The following LAMC3 variants were observed in gnomAD, a reference collection of about 807,000 sequenced individuals.
LAMC3 encodes laminin subunit gamma-3.
In LAMC3, 128 loss-of-function variants were observed where a neutral mutation model predicts 173.8. The ratio of observed to expected loss-of-function variants is 0.74; its 90% CI spans 0.64 to 0.85. LAMC3 has a LOEUF of 0.85. Among genes scored for constraint, LAMC3 ranks in the 40% least tolerant of loss-of-function variants. LAMC3 has a pLI of 0.00. For synonymous variants in LAMC3, 897 were observed against 909.1 expected (o/e 0.99, Z 0.24); for missense variants, 2,022 against 2,156.0 (o/e 0.94, Z 1.23).
chr9:131,014,457 G>T (rs1166888055), intron 1 of LAMC3, among the ~76,000 whole-genome samples: 1 of 152,240 alleles, frequency 6.6e-6, no homozygotes, highest in Non-Finnish European at 1.5e-5. Context: ...CTAAGGTTGG[G>T]CAGAAGGCCT....
chr9:131,045,551 G>GCC lies in LAMC3; in HGVS notation c.1413_1414dup (p.His472ProfsTer62). The GCC allele has an allele frequency of 6.2e-7, 1 of 1,613,968 alleles. No individual in the cohort carries two copies. The highest frequency in any genetic ancestry group is 8.5e-7 in the Non-Finnish European group (1 of 1,180,036). The stretch of plus-strand genomic sequence containing the variant: ...GTCGCCCGGGGACCTTTAACCTGCA[G>GCC]CCCCACAATCCAGCTGGCTGCAGCA... On this transcript the variant is annotated frameshift_variant, in exon 8 of 28. Transcript: ENST00000361069. LOFTEE classifies it high-confidence loss of function.
chr9:131,071,610 C>T lies in LAMC3; in HGVS notation c.3196C>T (p.His1066Tyr). 6.3e-7 allele frequency: 1 copy of T among 1,590,902 alleles called. No homozygotes were observed. Among genetic ancestry groups the T allele is most frequent in the Admixed American group, 1.7e-5 (1 of 58,818 alleles). ...CCCAAGGGGGGACGTCTACCAGGGC[C>T]ATCACCTGCTTCCAGGTACAGCAGG... ...EAPRGDVYQG[H>Y]HLLPGAREAF... Residue 1066 changes from histidine to tyrosine, a missense_variant, in exon 18 of 28, where the codon CAT becomes TAT. Transcript: ENST00000361069.
At position 131,050,486 on chromosome 9, in the gene LAMC3, G is replaced by A. The variant is rs552882297; in HGVS notation, c.1630+1356G>A. On this transcript the variant is annotated intron_variant, in intron 9 of 27. Coordinates refer to ENST00000361069, the MANE Select transcript of LAMC3 (RefSeq NM_006059.4). Reference sequence around the variant, plus strand: ...CTGAGGGAAGATAAGTATTTAGGCCGAGCGCAATGGCTCACACCTGTAATC... The same window carrying A: ...CTGAGGGAAGATAAGTATTTAGGCCAAGCGCAATGGCTCACACCTGTAATC... Among the ~76,000 whole-genome samples the A allele has an allele frequency of 9.9e-5, 15 of 152,276 alleles. No homozygotes were observed. In the East Asian group the frequency reaches 1.4e-3, roughly 14 times the overall value.
Position 131,092,000 on chromosome 9 carries a change from G to T in LAMC3, c.*213G>T. 1 of 618,274 alleles carries T rather than the reference G, an allele frequency of 1.6e-6. No homozygotes were observed. Among genetic ancestry groups the T allele is most frequent in the Non-Finnish European group, 2.9e-6 (1 of 350,214 alleles). The allele number at this position is 618,274 out of a possible 1,614,324, so 38.3% of individuals were successfully genotyped here. On this transcript the variant is annotated 3_prime_UTR_variant, in exon 28 of 28. Transcript: ENST00000361069. ...GTGCGTACCCAGTTCACCTGGACAT[G>T]AGTGCACACTCTCACCCCTGCACAT...
intron 27 of LAMC3, among the ~76,000 whole-genome samples, chr9:131,091,030 A>T (rs1282803284): frequency 6.6e-6 from 1 of 152,178 alleles, no homozygotes; most frequent in Admixed American, 6.5e-5. Flanking sequence ...CAATAAATAA[A>T]TAAATGCATC....
At position 131,091,532 on chromosome 9, in the gene LAMC3, C is replaced by G. The variant is rs1310000476; in HGVS notation, c.4478-5C>G. ...CACAGTGAGGCTGTTTGTGCCCCAC[C>G]ACAGGGTCGCTGGACACCCATCAAG... On this transcript the variant is annotated splice_region_variant and splice_polypyrimidine_tract_variant and intron_variant, in intron 27 of 27. Coordinates refer to ENST00000361069, the MANE Select transcript of LAMC3 (RefSeq NM_006059.4). 14 of 1,575,906 alleles carry G rather than the reference C, an allele frequency of 8.9e-6. No homozygotes were observed. Among genetic ancestry groups the G allele is most frequent in the Non-Finnish European group, 1.1e-5 (13 of 1,161,668 alleles).
rs140634175 is a variant in LAMC3, at chr9:131,029,901, G to C, written c.679-2144G>C. 5.5e-4 allele frequency among the ~76,000 whole-genome samples: 83 copies of C among 151,976 alleles called. No individual in the cohort carries two copies. The highest frequency in any genetic ancestry group is 9.4e-4 in the Non-Finnish European group (64 of 68,012). On this transcript the variant is annotated intron_variant, in intron 2 of 27. Coordinates refer to ENST00000361069, the MANE Select transcript of LAMC3 (RefSeq NM_006059.4). The surrounding 1 kb of genome is among the most constrained non-coding windows in gnomAD (Gnocchi z 4.6). ...CAGCACCCACTCATAGCTTAAGCTG[G>C]AGTTCCAGTGCCTGGGTTCAGTGGG...
intron 27 of LAMC3, among the ~76,000 whole-genome samples, chr9:131,090,895 G>A (rs1830413279): frequency 1.3e-5 from 2 of 152,212 alleles, no homozygotes; most frequent in African/African-American, 4.8e-5. Context: ...GGAGCATGGT[G>A]GCAGGCACCT....
At position 131,009,397 on chromosome 9, in the gene LAMC3, C is replaced by G; in HGVS notation, c.183C>G (p.Phe61Leu). 1 of 1,537,806 alleles carries G rather than the reference C, an allele frequency of 6.5e-7. No homozygotes were observed. Among genetic ancestry groups the G allele is most frequent in the Non-Finnish European group, 8.7e-7 (1 of 1,144,602 alleles). Residue 61 changes from phenylalanine (F) to leucine (L), a missense_variant, in exon 1 of 28, where the codon TTC becomes TTG. Transcript: ENST00000361069. This position sits in a 1 kb window ranked among gnomAD's most constrained non-coding sequence, Gnocchi z 4.3. ...CGTGCGGCAGCCCGCCCGAGGACTTCTGTCCCCACGTGGGCGCCGCGGGCG... is the reference window on the plus strand; with the variant it reads ...CGTGCGGCAGCCCGCCCGAGGACTTGTGTCCCCACGTGGGCGCCGCGGGCG... ...SHTCGSPPED[F>L]CPHVGAAGAG...
In LAMC3 at chr9:131,075,972, C is replaced by T. The variant is rs1470326866; in HGVS notation, c.3629+7C>T. 9 of 1,603,202 alleles carry T rather than the reference C, an allele frequency of 5.6e-6. No homozygotes were observed. Among genetic ancestry groups the T allele is most frequent in the Non-Finnish European group, 7.7e-6 (9 of 1,173,860 alleles). On this transcript the variant is annotated splice_region_variant and intron_variant, in intron 21 of 27. Transcript: ENST00000361069. The stretch of plus-strand genomic sequence containing the variant: ...AGCGGGACCTGGAGGACAGGTGAGG[C>T]CTCCCCAGGTGTGGGTAGAAACTTT...
At chr9:131,039,738 G>A (rs1302415710) in intron 6 of LAMC3, among the ~76,000 whole-genome samples, 1 of 151,930 alleles carries the variant, frequency 6.6e-6, no homozygotes, top group Non-Finnish European at 1.5e-5. Flanking sequence ...TGGTGACCAG[G>A]GGGTGGAAGA....
rs1269564527 is a variant in LAMC3, at chr9:131,087,923, T to C, written c.4477+106T>C. 4.6e-6 allele frequency: 4 copies of C among 877,480 alleles called. No homozygotes were observed. In the African/African-American group the frequency reaches 5.0e-5, roughly 11 times the overall value. 54.4% of individuals were successfully genotyped at this position (877,480 alleles called of 1,614,324 possible). A position where few individuals can be genotyped will look rare whatever the true frequency, so the allele number is the denominator to read the frequency against. Reference sequence around the variant, plus strand: ...GGGAAGATTTCCTCCTTGTCCTCATTGCCATGCTTCCCGCATCCCCATCTT... The same window carrying C: ...GGGAAGATTTCCTCCTTGTCCTCATCGCCATGCTTCCCGCATCCCCATCTT... On this transcript the variant is annotated intron_variant, in intron 27 of 27. Transcript: ENST00000361069.
intron 2 of LAMC3, among the ~76,000 whole-genome samples, chr9:131,031,574 G>T (rs966963181): frequency 1.3e-5 from 2 of 152,166 alleles, no homozygotes; most frequent in Non-Finnish European, 2.9e-5. Flanking sequence ...GGTTGCGGGG[G>T]CACACCGTCC....
Position 131,039,010 on chromosome 9 carries a change from G to A in LAMC3, c.1123G>A (p.Asp375Asn). 3.7e-6 allele frequency: 6 copies of A among 1,613,556 alleles called. No homozygotes were observed. Among genetic ancestry groups the A allele is most frequent in the Non-Finnish European group, 5.1e-6 (6 of 1,179,974 alleles). ...ERCQENFYHW[D>N]PRMPCQPCDC... The stretch of plus-strand genomic sequence containing the variant: ...CTGTCAGGAGAATTTCTATCACTGG[G>A]ACCCGCGGATGCCATGCCAGCCCTG... Residue 375 changes from aspartate to asparagine, a missense_variant, in exon 5 of 28, where the codon GAC becomes AAC. Asp to Asn is a conservative substitution (Grantham distance 23, BLOSUM62 1). Transcript: ENST00000361069.
At chr9:131,068,017 C>A in intron 14 of LAMC3, 61 bp from the exon 15 acceptor site, 1 of 1,584,500 alleles carries the variant, frequency 6.3e-7, no homozygotes, top group Non-Finnish European at 8.6e-7. Context: ...CTGTTGGACC[C>A]CCAAAGTTGG....
In LAMC3 at chr9:131,045,115, G is replaced by A. The variant is rs996867120; in HGVS notation, c.1383-409G>A. The stretch of plus-strand genomic sequence containing the variant: ...CAGGCGCCTGCAATCCCAGCTACCC[G>A]GGAGGCTGAGGCAGGAGAATCACTT... On this transcript the variant is annotated intron_variant, in intron 7 of 27. Coordinates refer to ENST00000361069, the MANE Select transcript of LAMC3 (RefSeq NM_006059.4). Among the ~76,000 whole-genome samples the A allele has an allele frequency of 4.6e-5, 7 of 151,784 alleles. 1 individual carries two copies. The highest frequency in any genetic ancestry group is 8.8e-5 in the Non-Finnish European group (6 of 67,954).
At chr9:131,012,235 CT>C (rs111904597) in intron 1 of LAMC3, among the ~76,000 whole-genome samples, 1,716 of 152,316 alleles carry the variant, frequency 0.011, 39 homozygotes, top group African/African-American at 0.039. Context: ...TCTCTTTTGC[CT>C]GCTCTGGGAG....
chr9:131,053,007 C>T, intron 11 of LAMC3, 42 bp downstream of exon 11: 1 of 1,446,002 alleles, frequency 6.9e-7, no homozygotes, highest in Admixed American at 1.7e-5. Flanking sequence ...GAGTGCTTGC[C>T]AGGTCTCAGA....
At chr9:131,031,092 C>T (rs560547642) in intron 2 of LAMC3, among the ~76,000 whole-genome samples, 10 of 152,370 alleles carry the variant, frequency 6.6e-5, no homozygotes, top group Admixed American at 5.9e-4. Flanking sequence ...GCAGTAGCTC[C>T]GGTTGCCGAG....
Sources: allele counts gnomAD v4.1 joint callset (sites outside exome capture counted in the v4.1 genomes callset), GRCh38; gene constraint gnomAD v4.1.1; non-coding constraint Gnocchi (gnomAD v3.1); transcripts MANE v1.5; gene names NCBI Gene and HGNC (gene_info 2026-07-23, HGNC 2026-07-21).